Variants in FBLN1 observed in about 807,000 individuals in gnomAD.
FBLN1 encodes the protein fibulin 1.
Under a neutral mutation model 89.7 loss-of-function variants are expected in FBLN1, and 34 were observed. That is an observed-to-expected ratio of 0.38 (90% confidence interval 0.29 to 0.50). The LOEUF is 0.50. Ranked by LOEUF, FBLN1 falls within the 20% of genes least tolerant of loss-of-function variation. The pLI is 0.92. For missense variants in FBLN1, 777 were observed against 988.1 expected, an observed-to-expected ratio of 0.79 and a Z score of 2.86; for synonymous variants, 393 against 391.3, an observed-to-expected ratio of 1.00 and a Z score of -0.05.
chr22:45,587,208 T>G (rs2089094924), intron 16 of FBLN1, among the ~76,000 whole-genome samples: 1 of 152,092 alleles, frequency 6.6e-6, no homozygotes, highest in Non-Finnish European at 1.5e-5. Context: ...CAGCCGGCGT[T>G]GCTGTGACTG....
At chr22:45,539,470 A>G (rs918327886) in intron 8 of FBLN1, among the ~76,000 whole-genome samples, 20 of 152,048 alleles carry the variant, frequency 1.3e-4, no homozygotes, top group African/African-American at 4.6e-4. Flanking sequence ...AAGTGCTGGG[A>G]TTGCAGGCGT....
rs572395930 is a variant in FBLN1 at position 45,548,818 on chromosome 22, G to C, written c.1573+74G>C. On this transcript the variant is annotated intron_variant, in intron 13 of 16. Coordinates refer to ENST00000327858, the MANE Select transcript of FBLN1 (RefSeq NM_006486.3). ...TGCAATGTCGTGGGGCTGAGGCTGG[G>C]CTCGGGGGCTGTGCTTCCCCAACCC... 3.8e-6 allele frequency: 6 copies of C among 1,592,092 alleles called. No individual in the cohort carries two copies. The South Asian group carries it at 6.7e-5, about 18-fold the overall frequency.
At chr22:45,520,163 C>T (rs886660209) in intron 2 of FBLN1, among the ~76,000 whole-genome samples, 3 of 152,052 alleles carry the variant, frequency 2.0e-5, no homozygotes, top group Non-Finnish European at 4.4e-5. Context: ...AGTGAGACTC[C>T]GTGCCCCCAC....
At chr22:45,600,167 G>C (rs1004402520) in intron 16 of FBLN1, 140 bp from the exon 17 acceptor site, 1 of 973,648 alleles carries the variant, frequency 1.0e-6, no homozygotes, top group Non-Finnish European at 1.6e-6. Flanking sequence ...CAGGGGACTC[G>C]AGCATCTGGC....
chr22:45,534,339 C>T (rs908310235), intron 7 of FBLN1, among the ~76,000 whole-genome samples: 3 of 133,214 alleles, frequency 2.3e-5, no homozygotes, highest in Non-Finnish European at 5.0e-5. Context: ...AAAAATCCCA[C>T]AACTGTTTTT....
At chr22:45,594,696 AGATGGATG>A (rs201180295) in intron 16 of FBLN1, among the ~76,000 whole-genome samples, 39 of 142,986 alleles carry the variant, frequency 2.7e-4, no homozygotes, top group Admixed American at 3.5e-4. Flanking sequence ...ATTGGTGGAT[AGATGGATG>A]GATGGATGGA....
intron 1 of FBLN1, among the ~76,000 whole-genome samples, chr22:45,509,377 G>C (rs867271942): frequency 5.9e-5 from 9 of 152,192 alleles, no homozygotes; most frequent in Non-Finnish European, 1.3e-4. Context: ...CCTCCCGGCT[G>C]GTTCACCATC....
chr22:45,586,372 A>ACC (rs2089085955), intron 16 of FBLN1, among the ~76,000 whole-genome samples: 1 of 151,832 alleles, frequency 6.6e-6, no homozygotes, highest in African/African-American at 2.4e-5. Context: ...GCCCTGCTGA[A>ACC]CCCCCAGGGG....
At chr22:45,527,333 G>T (rs556854626) in intron 3 of FBLN1, among the ~76,000 whole-genome samples, 1 of 152,174 alleles carries the variant, frequency 6.6e-6, no homozygotes, top group Non-Finnish European at 1.5e-5. Flanking sequence ...TTGATGACTC[G>T]TCTTGAAGTT....
chr22:45,503,876 C>G (rs2087982252), intron 1 of FBLN1, among the ~76,000 whole-genome samples: 1 of 152,196 alleles, frequency 6.6e-6, no homozygotes, highest in Non-Finnish European at 1.5e-5. Context: ...CCCACCCAGC[C>G]CGCGCTTTTC....
At chr22:45,592,224 GTCTC>G (rs1181181738) in intron 16 of FBLN1, among the ~76,000 whole-genome samples, 2 of 152,216 alleles carry the variant, frequency 1.3e-5, no homozygotes, top group Non-Finnish European at 2.9e-5. Context: ...GGCACATAGG[GTCTC>G]TCTGTCTCCA....
intron 16 of FBLN1, among the ~76,000 whole-genome samples, chr22:45,592,632 A>G (rs2089148795): frequency 6.6e-6 from 1 of 152,140 alleles, no homozygotes; most frequent in Non-Finnish European, 1.5e-5. Context: ...CCGGCCGCAC[A>G]TATTCTCAAC....
chr22:45,542,411 A>C, intron 10 of FBLN1, 128 bp downstream of exon 10: 1 of 1,326,430 alleles, frequency 7.5e-7, no homozygotes, highest in Non-Finnish European at 1.1e-6. Context: ...GCAGACCCTG[A>C]GAGAAGATCC....
rs1383486754 is a variant in FBLN1 at position 45,557,410 on chromosome 22, G to A, written c.1697+6795G>A. Reference sequence around the variant, plus strand: ...CAGGTAGCTGGCTGATCACCCCGAGGCATGGTGCCACATCGAGGGCTCAGT... The same window carrying A: ...CAGGTAGCTGGCTGATCACCCCGAGACATGGTGCCACATCGAGGGCTCAGT... On this transcript the variant is annotated intron_variant, in intron 14 of 16. Transcript: ENST00000327858. The surrounding 1 kb of genome is among the most constrained non-coding windows in gnomAD (Gnocchi z 4.9). Among the ~76,000 whole-genome samples the A allele has an allele frequency of 6.6e-6, 1 of 152,146 alleles. No individual in the cohort carries two copies. Among genetic ancestry groups the A allele is most frequent in the Non-Finnish European group, 1.5e-5 (1 of 68,032 alleles).
chr22:45,531,464 G>A lies in FBLN1; in HGVS notation c.544+140G>A. On this transcript the variant is annotated intron_variant, in intron 5 of 16. Transcript: ENST00000327858. This position sits in a 1 kb window ranked among gnomAD's most constrained non-coding sequence, Gnocchi z 4.9. ...GAGCCCAGGAGGTTGTGGCTGCAGT[G>A]AGCTATGACTGCACCTTTGCACTCT... is the stretch of plus-strand genomic sequence containing the variant. The A allele has an allele frequency of 1.4e-6, 1 of 732,040 alleles. No individual in the cohort carries two copies. Among genetic ancestry groups the A allele is most frequent in the South Asian group, 1.5e-5 (1 of 67,276 alleles). 45.3% of individuals were successfully genotyped at this position (732,040 alleles called of 1,614,324 possible).
chr22:45,526,232 G>A (rs2088326159), intron 3 of FBLN1, among the ~76,000 whole-genome samples: 1 of 152,220 alleles, frequency 6.6e-6, no homozygotes. Context: ...ACGGGATCCT[G>A]CCCTGAAGGT....
At position 45,583,333 on chromosome 22, in the gene FBLN1, T is replaced by A. The variant is rs773613932; in HGVS notation, c.1972+6225T>A. Among the ~76,000 whole-genome samples the A allele has an allele frequency of 3.3e-5, 5 of 151,346 alleles. No individual in the cohort carries two copies. The highest frequency in any genetic ancestry group is 1.3e-4 in the Admixed American group (2 of 15,190). On this transcript the variant is annotated intron_variant, in intron 16 of 16. Coordinates refer to ENST00000327858, the MANE Select transcript of FBLN1 (RefSeq NM_006486.3). The surrounding 1 kb of genome is among the most constrained non-coding windows in gnomAD (Gnocchi z 4.5). Reference sequence around the variant, plus strand: ...CCGGGGCAAGTCTGGCCAAGCAGCATGGCAGCGATGAAGTCCACATGATCG... The same window carrying A: ...CCGGGGCAAGTCTGGCCAAGCAGCAAGGCAGCGATGAAGTCCACATGATCG...
rs2146983406 is a variant in FBLN1, at chr22:45,543,442, C to T, written c.1237C>T (p.His413Tyr). 1.2e-6 allele frequency: 2 copies of T among 1,613,784 alleles called. No homozygotes were observed. Among genetic ancestry groups the T allele is most frequent in the East Asian group, 4.5e-5 (2 of 44,872 alleles). ...GCGCTACCCCGGGCGCCTGTGTGGCCACAAGTGCGAGAACACGCTGGGCTC... is the reference window on the plus strand; with the variant it reads ...GCGCTACCCCGGGCGCCTGTGTGGCTACAAGTGCGAGAACACGCTGGGCTC... ...CQRYPGRLCG[H>Y]KCENTLGSYL... The change falls in exon 11 of 17, where the codon CAC becomes TAC. Residue 413 changes from histidine to tyrosine, a missense_variant. Transcript: ENST00000327858.
rs2088471617 is a variant in FBLN1, at chr22:45,535,412, G to GAATCTGC, written c.922+76_922+82dup. On this transcript the variant is annotated intron_variant, in intron 8 of 16. Transcript: ENST00000327858. ...GACCTAGCCTTGGGGCAGGCCTCTA[G>GAATCTGC]AATCTGCGGGGCCGCATGGTATACA... 7.6e-6 allele frequency: 12 copies of GAATCTGC among 1,573,942 alleles called. No individual in the cohort carries two copies. The East Asian group carries it at 2.7e-4, about 36-fold the overall frequency.
Sources: allele counts gnomAD v4.1 joint callset (sites outside exome capture counted in the v4.1 genomes callset), GRCh38; gene constraint gnomAD v4.1.1; non-coding constraint Gnocchi (gnomAD v3.1); transcripts MANE v1.5; gene names NCBI Gene and HGNC (gene_info 2026-07-23, HGNC 2026-07-21).